Variants in DRAM1 observed in about 807,000 individuals in gnomAD.
The protein encoded by DRAM1 is DNA damage regulated autophagy modulator 1, also known as DNA damage-regulated autophagy modulator protein 1.
DRAM1 carries 25 observed loss-of-function variants against 28.5 expected under a neutral mutation model. The observed-to-expected ratio is 0.88, with a 90% CI of 0.64 to 1.23. The LOEUF (loss-of-function observed/expected upper bound fraction) is 1.23, where lower values mean the gene tolerates loss of function less well. Ranked by LOEUF, DRAM1 falls within the 50% of genes most tolerant of loss-of-function variation. DRAM1 has a pLI of 0.00. For synonymous variants in DRAM1, 113 were observed against 114.2 expected (o/e 0.99, Z 0.07); for missense variants, 249 against 299.2 (o/e 0.83, Z 1.24).
chr12:101,877,994 G>A lies in DRAM1; in HGVS notation c.131+74G>A, dbSNP rs986137979. 4.4e-6 allele frequency: 6 copies of A among 1,362,732 alleles called. No individual in the cohort carries two copies. Among genetic ancestry groups the A allele is most frequent in the African/African-American group, 1.5e-5 (1 of 66,854 alleles). 84.4% of individuals were successfully genotyped at this position (1,362,732 alleles called of 1,614,324 possible). The stretch of plus-strand genomic sequence containing the variant: ...ACAGGGAGCGCTGCCGACGGGGAGG[G>A]AAGGCGTCCGGACCCAGCTTGGGGC... On this transcript the variant is annotated intron_variant, in intron 1 of 6. Coordinates refer to ENST00000258534, the MANE Select transcript of DRAM1 (RefSeq NM_018370.3). This position sits in a 1 kb window ranked among gnomAD's most constrained non-coding sequence, Gnocchi z 4.1.
At chr12:101,919,948 G>T in intron 5 of DRAM1, 161 bp from the exon 6 acceptor site, 1 of 425,274 alleles carries the variant, frequency 2.4e-6, no homozygotes. Context: ...CAGGTGCCCT[G>T]ACACTTAGTA....
At chr12:101,909,500 C>T (rs550742551) in intron 4 of DRAM1, among the ~76,000 whole-genome samples, 13 of 152,206 alleles carry the variant, frequency 8.5e-5, no homozygotes, top group Admixed American at 3.3e-4. Flanking sequence ...AATAGCCCCA[C>T]GAAGTCCCTC....
intron 1 of DRAM1, among the ~76,000 whole-genome samples, chr12:101,892,067 C>T (rs1873150945): frequency 6.6e-6 from 1 of 152,134 alleles, no homozygotes; most frequent in African/African-American, 2.4e-5. Context: ...TATCTGGATT[C>T]CAGTATCACC....
intron 1 of DRAM1, among the ~76,000 whole-genome samples, chr12:101,892,230 A>G (rs982892489): frequency 1.3e-5 from 2 of 151,182 alleles, no homozygotes; most frequent in African/African-American, 2.4e-5. Context: ...TTTCATTTTT[A>G]TTTTATTTTT....
chr12:101,900,329 G>T (rs1164963155), intron 2 of DRAM1, among the ~76,000 whole-genome samples: 1 of 152,120 alleles, frequency 6.6e-6, no homozygotes, highest in African/African-American at 2.4e-5. Flanking sequence ...AAACGCAGAA[G>T]AATTGATAGA....
intron 1 of DRAM1, among the ~76,000 whole-genome samples, chr12:101,878,996 A>AT (rs112073337): frequency 0.35 from 53,203 of 151,190 alleles, 9,542 homozygotes; most frequent in East Asian, 0.48. Context: ...ATTTTTTAAA[A>AT]TTTTTTTTAT....
At chr12:101,888,099 G>A in intron 1 of DRAM1, among the ~76,000 whole-genome samples, 1 of 152,130 alleles carries the variant, frequency 6.6e-6, no homozygotes, top group East Asian at 1.9e-4. Flanking sequence ...AGGTAGGCAT[G>A]CCATTTAAAA....
intron 1 of DRAM1, among the ~76,000 whole-genome samples, chr12:101,894,463 A>G (rs4764668): frequency 0.51 from 77,735 of 151,592 alleles, 20,377 homozygotes; most frequent in East Asian, 0.63. Context: ...TGTTGCCCAG[A>G]CTGGTTTCGA....
intron 1 of DRAM1, among the ~76,000 whole-genome samples, chr12:101,887,995 G>A (rs978247644): frequency 6.6e-6 from 1 of 152,086 alleles, no homozygotes; most frequent in South Asian, 2.1e-4. Context: ...ATAAAATCAC[G>A]TATTCTGACA....
chr12:101,916,008 C>A (rs1016480403), intron 5 of DRAM1, among the ~76,000 whole-genome samples: 3 of 152,192 alleles, frequency 2.0e-5, no homozygotes, highest in Admixed American at 6.5e-5. Flanking sequence ...TAGGGGAAAT[C>A]TGATGGGTGT....
chr12:101,903,926 T>TACACAC (rs775764624), intron 3 of DRAM1, among the ~76,000 whole-genome samples: 1,931 of 135,996 alleles, frequency 0.014, 22 homozygotes, highest in South Asian at 0.071. Context: ...CACACACACA[T>TACACAC]ACACACACAC....
At chr12:101,917,251 G>A (rs915697823) in intron 5 of DRAM1, among the ~76,000 whole-genome samples, 7 of 152,220 alleles carry the variant, frequency 4.6e-5, no homozygotes, top group Admixed American at 2.0e-4. Flanking sequence ...CTGGAGGTAA[G>A]AGGTAAAGGA....
intron 4 of DRAM1, among the ~76,000 whole-genome samples, chr12:101,909,378 T>C (rs746745609): frequency 2.0e-5 from 3 of 152,156 alleles, no homozygotes; most frequent in Non-Finnish European, 4.4e-5. Context: ...AACACTTTAG[T>C]CTCTGTTTAC....
At chr12:101,886,895 C>G (rs1872904317) in intron 1 of DRAM1, among the ~76,000 whole-genome samples, 1 of 152,150 alleles carries the variant, frequency 6.6e-6, no homozygotes, top group African/African-American at 2.4e-5. Context: ...CCTGGAATCC[C>G]AGTGCTTTGG....
chr12:101,911,952 A>G (rs1230843214), intron 4 of DRAM1, among the ~76,000 whole-genome samples: 1 of 152,152 alleles, frequency 6.6e-6, no homozygotes, highest in African/African-American at 2.4e-5. Context: ...TAATCCCAGC[A>G]TTTTGGGAGG....
intron 1 of DRAM1, among the ~76,000 whole-genome samples, chr12:101,881,523 C>G (rs571897899): frequency 6.6e-6 from 1 of 152,100 alleles, no homozygotes; most frequent in Non-Finnish European, 1.5e-5. Context: ...ATCACCTCCT[C>G]CTCTCCTCTA....
At chr12:101,879,171 T>G (rs186462700) in intron 1 of DRAM1, among the ~76,000 whole-genome samples, 39 of 152,196 alleles carry the variant, frequency 2.6e-4, no homozygotes, top group Admixed American at 7.2e-4. Context: ...AATTTTTTTG[T>G]ATTTTTAGTA....
chr12:101,911,104 C>T (rs1874025583), intron 4 of DRAM1, among the ~76,000 whole-genome samples: 2 of 151,950 alleles, frequency 1.3e-5, no homozygotes, highest in South Asian at 2.1e-4. Flanking sequence ...AGCGTGGTGG[C>T]GTATGCCTTT....
intron 1 of DRAM1, among the ~76,000 whole-genome samples, chr12:101,878,357 C>A (rs566778050): frequency 6.6e-6 from 1 of 152,312 alleles, no homozygotes; most frequent in South Asian, 2.1e-4. Context: ...CTTATTATTC[C>A]CGCAAGCGAG....
Sources: gnomAD v4.1 joint callset for allele counts (sites outside exome capture counted in the v4.1 genomes callset) on GRCh38, gnomAD v4.1.1 for gene constraint, Gnocchi (gnomAD v3.1) non-coding constraint, MANE v1.5 for transcripts, NCBI Gene and HGNC (gene_info 2026-07-23, HGNC 2026-07-21) for gene names.